Variants in RORC observed in about 807,000 individuals in gnomAD.
RORC encodes the protein nuclear receptor ROR-gamma.
A neutral mutation model predicts 64.5 loss-of-function variants in RORC; 13 were observed. That is an observed-to-expected ratio of 0.20 (90% CI 0.13 to 0.32). The LOEUF is 0.32. RORC is among the 10% of genes least tolerant of loss of function. RORC has a pLI of 1.00. For synonymous variants in RORC, 277 were observed against 259.3 expected (o/e 1.07, Z -0.65); for missense variants, 468 against 669.5 (o/e 0.70, Z 3.32).
At chr1:151,820,624 A>G (rs905236452) in intron 2 of RORC, among the ~76,000 whole-genome samples, 56 of 152,134 alleles carry the variant, frequency 3.7e-4, no homozygotes, top group Non-Finnish European at 1.3e-4. Context: ...CTCCTGAGAG[A>G]GAGCTTTCTC....
chr1:151,812,934 C>T lies in RORC; in HGVS notation c.1285+13G>A. ...CACCTGAATGTCCTTCACCCAAGCC[C>T]AGCAACACTCACGGGCATTGATGAG... On this transcript the variant is annotated intron_variant, in intron 9 of 10. Transcript: ENST00000318247. 6.4e-7 allele frequency: 1 copy of T among 1,574,162 alleles called. No individual in the cohort carries two copies. The highest frequency in any genetic ancestry group is 8.7e-7 in the Non-Finnish European group (1 of 1,143,764).
At chr1:151,824,568 A>G (rs1248424143) in intron 2 of RORC, among the ~76,000 whole-genome samples, 3 of 152,170 alleles carry the variant, frequency 2.0e-5, no homozygotes, top group African/African-American at 7.2e-5. Flanking sequence ...TATCCACCCC[A>G]GCTCATATGC....
At chr1:151,831,580 ACT>A in intron 1 of RORC, 143 bp downstream of exon 1, 1 of 1,512,926 alleles carries the variant, frequency 6.6e-7, no homozygotes, top group Admixed American at 1.9e-5. Context: ...CTCCAGTTTC[ACT>A]CCCTGCCAAC....
In RORC at chr1:151,807,340, C is replaced by T. The variant is rs1260690188; in HGVS notation, c.*132G>A. ...GCTGACAGAAAGCCAGCCGCAGCAT[C>T]TGCTCACTTCCAAAGAGCTGGTGGG... On this transcript the variant is annotated 3_prime_UTR_variant, in exon 11 of 11. Transcript: ENST00000318247. This position sits in a 1 kb window ranked among gnomAD's most constrained non-coding sequence, Gnocchi z 5.0. 1.2e-6 allele frequency: 1 copy of T among 857,878 alleles called. No homozygotes were observed. The highest frequency in any genetic ancestry group is 2.7e-5 in the East Asian group (1 of 36,506). The allele number at this position is 857,878 out of a possible 1,614,324, so 53.1% of individuals were successfully genotyped here.
chr1:151,811,606 T>C, intron 9 of RORC, 172 bp from the exon 10 acceptor site: 1 of 476,800 alleles, frequency 2.1e-6, no homozygotes, highest in South Asian at 3.9e-5. Context: ...TGGGCTTGGC[T>C]AGCTGTCTAC....
At position 151,830,659 on chromosome 1, in the gene RORC, C is replaced by CACACACACACACACACACACACAA; in HGVS notation, c.40+1065_40+1066insTTGTGTGTGTGTGTGTGTGTGTGT. ...ACACACACACACACACACACACACA[C>CACACACACACACACACACACACAA]ACAGTGCCCTTCTGCCCGGGAGATG... On this transcript the variant is annotated intron_variant, in intron 1 of 10. Coordinates refer to ENST00000318247, the MANE Select transcript of RORC (RefSeq NM_005060.4). This position sits in a 1 kb window ranked among gnomAD's most constrained non-coding sequence, Gnocchi z 4.0. Among the ~76,000 whole-genome samples the CACACACACACACACACACACACAA allele has an allele frequency of 7.2e-6, 1 of 139,158 alleles. No homozygotes were observed. The highest frequency in any genetic ancestry group is 2.7e-5 in the African/African-American group (1 of 37,526). 91.3% of individuals were successfully genotyped at this position (139,158 alleles called of 152,430 possible). A position where few individuals can be genotyped will look rare whatever the true frequency, so the allele number is the denominator to read the frequency against.
At chr1:151,823,021 G>C (rs11204895) in intron 2 of RORC, among the ~76,000 whole-genome samples, 67,961 of 151,836 alleles carry the variant, frequency 0.45, 15,759 homozygotes, top group Non-Finnish European at 0.52. Flanking sequence ...TATTTTCATT[G>C]TGCTGGGACA....
At chr1:151,829,386 C>T in intron 2 of RORC, 43 bp downstream of exon 2, 2 of 1,527,002 alleles carry the variant, frequency 1.3e-6, no homozygotes, top group South Asian at 1.3e-5. Flanking sequence ...TTCTCCATCT[C>T]ATTATGCCCC....
chr1:151,826,045 C>A, intron 2 of RORC: 1 of 1,587,536 alleles, frequency 6.3e-7, no homozygotes. Context: ...CTCTCAGCAG[C>A]GCCTCAGCCT....
Position 151,813,008 on chromosome 1 carries a change from A to G in RORC, c.1224T>C (p.Ser408=). 6.2e-7 allele frequency: 1 copy of G among 1,614,150 alleles called. No homozygotes were observed. The highest frequency in any genetic ancestry group is 8.5e-7 in the Non-Finnish European group (1 of 1,180,000). ...TCTCATCCTCGGAAAAGTGCAAGGC[A>G]CTTAGGGAGTGGGAGAAGTCAAAGA... ...SSIFDFSHSL[S]ALHFSEDEIA... Residue 408 remains serine (S), a synonymous_variant, in exon 9 of 11, where the codon AGT becomes AGC. Transcript: ENST00000318247.
At chr1:151,811,081 C>T (rs1239463178) in intron 10 of RORC, among the ~76,000 whole-genome samples, 2 of 152,156 alleles carry the variant, frequency 1.3e-5, no homozygotes, top group African/African-American at 4.8e-5. Context: ...TAAGTGCTGG[C>T]TATATTAAAC....
chr1:151,808,301 A>G (rs185211780), intron 10 of RORC, among the ~76,000 whole-genome samples: 6 of 152,314 alleles, frequency 3.9e-5, no homozygotes, highest in African/African-American at 1.2e-4. Flanking sequence ...TAGCAAACCA[A>G]TGCTGCCAGC....
rs181730480 is a variant in RORC at position 151,807,462 on chromosome 1, C to T, written c.*10G>A. On this transcript the variant is annotated 3_prime_UTR_variant, in exon 11 of 11. Transcript: ENST00000318247. The surrounding 1 kb of genome is among the most constrained non-coding windows in gnomAD (Gnocchi z 5.0). ...GGCCATAGGGAGAGGCAAGGAGTCC[C>T]TCTTCCAGGTCACTTGGACAGCCCC... is the stretch of plus-strand genomic sequence containing the variant. 4.8e-4 allele frequency: 776 copies of T among 1,613,676 alleles called. 13 individuals carry two copies. In the East Asian group the frequency reaches 8.4e-3, roughly 18 times the overall value.
chr1:151,831,595 A>T (rs568174207), intron 1 of RORC, 130 bp downstream of exon 1: 2 of 1,575,922 alleles, frequency 1.3e-6, no homozygotes, highest in Admixed American at 3.5e-5. Context: ...CTGCCAACCC[A>T]GGGCTTTCTC....
At chr1:151,820,738 T>C (rs985736665) in intron 2 of RORC, among the ~76,000 whole-genome samples, 1 of 152,228 alleles carries the variant, frequency 6.6e-6, no homozygotes, top group African/African-American at 2.4e-5. Flanking sequence ...TATGGCTTTC[T>C]GCATCTCAAA....
Position 151,825,819 on chromosome 1 carries a change from G to A in RORC, c.70+3610C>T, listed in dbSNP as rs12030974. 0.22 allele frequency: 288,225 copies of A among 1,299,052 alleles called. 36,938 individuals carry two copies. The highest frequency in any genetic ancestry group is 0.42 in the East Asian group (17,391 of 41,296). 80.5% of individuals were successfully genotyped at this position (1,299,052 alleles called of 1,614,324 possible). On this transcript the variant is annotated intron_variant, in intron 2 of 10. Transcript: ENST00000318247. ...AACAGATCTTGACCTTGACCAGGAC[G>A]CACCCTGCTTTGCTCAGATTTGCTC... is the stretch of plus-strand genomic sequence containing the variant.
In RORC at chr1:151,830,807, G is replaced by A. The variant is rs1188028540; in HGVS notation, c.40+918C>T. The stretch of plus-strand genomic sequence containing the variant: ...AGGTGGCAAGGCCCCACCCAGCCCC[G>A]CCCACCTCCCCTTGCTCCTGCCTGG... On this transcript the variant is annotated intron_variant, in intron 1 of 10. Coordinates refer to ENST00000318247, the MANE Select transcript of RORC (RefSeq NM_005060.4). This position sits in a 1 kb window ranked among gnomAD's most constrained non-coding sequence, Gnocchi z 4.0. The A allele has an allele frequency of 3.1e-4, 57 of 185,052 alleles. No individual in the cohort carries two copies. Among genetic ancestry groups the A allele is most frequent in the Admixed American group, 5.3e-4 (8 of 14,972 alleles). 11.5% of individuals were successfully genotyped at this position (185,052 alleles called of 1,614,324 possible).
In RORC at chr1:151,814,516, C is replaced by G. The variant is rs1651669573; in HGVS notation, c.933+58G>C. The G allele has an allele frequency of 2.6e-6, 4 of 1,561,722 alleles. No individual in the cohort carries two copies. The Admixed American group carries it at 5.3e-5, about 21-fold the overall frequency. ...CCCAGTCGTGCGCAGGTAGCCATCT[C>G]TGAACTCTCCCGGTGGGGGTGGGAT... On this transcript the variant is annotated intron_variant, in intron 6 of 10. Transcript: ENST00000318247.
intron 10 of RORC, among the ~76,000 whole-genome samples, chr1:151,809,433 A>C (rs1231838130): frequency 2.6e-5 from 4 of 151,954 alleles, no homozygotes; most frequent in Non-Finnish European, 5.9e-5. Context: ...CAACAAAAAC[A>C]AGAAAAAAAC....
Sources: gnomAD v4.1 joint callset for allele counts (sites outside exome capture counted in the v4.1 genomes callset) on GRCh38, gnomAD v4.1.1 for gene constraint, Gnocchi (gnomAD v3.1) non-coding constraint, MANE v1.5 for transcripts, NCBI Gene and HGNC (gene_info 2026-07-23, HGNC 2026-07-21) for gene names.